STT3A: variants seen among roughly 807,000 people sequenced by gnomAD.
STT3A encodes the protein dolichyl-diphosphooligosaccharide--protein glycosyltransferase subunit STT3A.
In STT3A, 34 loss-of-function variants were observed where a neutral mutation model predicts 89.2. The ratio of observed to expected loss-of-function variants is 0.38; its 90% CI spans 0.29 to 0.51. The LOEUF (loss-of-function observed/expected upper bound fraction) is 0.51, where lower values mean the gene tolerates loss of function less well. Ranked by LOEUF, STT3A falls within the 20% of genes least tolerant of loss-of-function variation. STT3A has a pLI of 0.89. For synonymous variants in STT3A, 282 were observed against 310.3 expected, an observed-to-expected ratio of 0.91 and a Z score of 0.96; for missense variants, 555 against 889.5, an observed-to-expected ratio of 0.62 and a Z score of 4.78.
intron 5 of STT3A, chr11:125,603,437 T>C (rs1333466247): frequency 6.4e-6 from 1 of 155,176 alleles, no homozygotes; most frequent in African/African-American, 2.4e-5. Context: ...ATTGCTGACC[T>C]TGGCTCCCTG....
In STT3A at chr11:125,595,889, C is replaced by T. The variant is rs774795656; in HGVS notation, c.-27C>T. 7 of 1,490,254 alleles carry T rather than the reference C, an allele frequency of 4.7e-6. No homozygotes were observed. In the South Asian group the frequency reaches 5.7e-5, roughly 12 times the overall value. The allele number at this position is 1,490,254 out of a possible 1,614,324, so 92.3% of individuals were successfully genotyped here. On this transcript the variant is annotated 5_prime_UTR_variant, in exon 2 of 18. Coordinates refer to ENST00000392708, the MANE Select transcript of STT3A (RefSeq NM_152713.5). ...TGACTTTTTCATTTTAGCTGATCGT[C>T]GTGTGTTGCCACCCATTCATGTCAA... is the stretch of plus-strand genomic sequence containing the variant.
rs569352756 is a variant in STT3A, at chr11:125,602,566, C to G, written c.271+142C>G. ...TGATTACAGGTTCCTAAAAGTGCAT[C>G]TTACATAAACAGGAGTACATTTGTA... On this transcript the variant is annotated intron_variant, in intron 4 of 17. Coordinates refer to ENST00000392708, the MANE Select transcript of STT3A (RefSeq NM_152713.5). The G allele has an allele frequency of 6.1e-6, 7 of 1,154,492 alleles. 1 individual carries two copies. In the African/African-American group the frequency reaches 7.9e-5, roughly 13 times the overall value. The allele number at this position is 1,154,492 out of a possible 1,614,324, so 71.5% of individuals were successfully genotyped here.
Position 125,606,406 on chromosome 11 carries a change from T to G in STT3A, c.721T>G (p.Cys241Gly). Residue 241 changes from cysteine (C) to glycine (G), a missense_variant, in exon 8 of 18, where the codon TGT becomes GGT. By Grantham distance (159) the Cys-to-Gly change is radical (BLOSUM62 -3). Coordinates refer to ENST00000392708, the MANE Select transcript of STT3A (RefSeq NM_152713.5). ...CTCTCACCGGATCTATGTGGCCTAC[T>G]GTACTGTTTACTGCCTGGGCACTAT... ...RFSHRIYVAY[C>G]TVYCLGTILS... 4.3e-6 allele frequency: 7 copies of G among 1,614,238 alleles called. No individual in the cohort carries two copies. Among genetic ancestry groups the G allele is most frequent in the Non-Finnish European group, 5.9e-6 (7 of 1,180,042 alleles).
intron 1 of STT3A, among the ~76,000 whole-genome samples, chr11:125,594,440 C>T (rs1199674178): frequency 1.3e-5 from 2 of 151,984 alleles, no homozygotes; most frequent in African/African-American, 4.8e-5. Context: ...ATTAGCTGGG[C>T]GTGGTGGCGC....
At position 125,606,306 on chromosome 11, in the gene STT3A, G is replaced by T. The variant is rs778272288; in HGVS notation, c.621G>T (p.Ser207=). The T allele has an allele frequency of 6.2e-7, 1 of 1,613,472 alleles. No individual in the cohort carries two copies. The highest frequency in any genetic ancestry group is 2.2e-5 in the East Asian group (1 of 44,870). Residue 207 remains serine (S), a synonymous_variant, in exon 8 of 18, where the codon TCG becomes TCT. Transcript: ENST00000392708. The part of the protein sequence containing the change: ...KCALAYFYMV[S]SWGGYVFLIN... ...TTTTTTCTATTCCATCATAGGTCTC[G>T]TCATGGGGAGGTTATGTGTTCCTGA...
chr11:125,593,455 C>T (rs991209631), intron 1 of STT3A: 5 of 152,218 alleles, frequency 3.3e-5, no homozygotes, highest in Admixed American at 6.5e-5. Context: ...AGAAAGGTGT[C>T]TTTGCTCTTA....
intron 12 of STT3A, 96 bp downstream of exon 12, chr11:125,612,843 C>T: frequency 6.5e-7 from 1 of 1,530,436 alleles, no homozygotes; most frequent in Non-Finnish European, 8.9e-7. Flanking sequence ...TAAAGTAGAG[C>T]ACTGTCCTAG....
At chr11:125,597,002 T>G in intron 2 of STT3A, 57 bp from the exon 3 acceptor site, 1 of 1,555,188 alleles carries the variant, frequency 6.4e-7, no homozygotes, top group Non-Finnish European at 8.9e-7. Flanking sequence ...TAATACTATA[T>G]CTGCTGTTCT....
chr11:125,593,687 A>G (rs1280065659), intron 1 of STT3A: 1 of 152,110 alleles, frequency 6.6e-6, no homozygotes, highest in Non-Finnish European at 1.5e-5. Flanking sequence ...TGGATTGTTG[A>G]CCTCCTGGAG....
rs1298567290 is a variant in STT3A at position 125,608,158 on chromosome 11, G to C, written c.830G>C (p.Cys277Ser). The part of the protein sequence containing the change: ...HMAAFGVFGL[C>S]QIHAFVDYLR... ...GCAGCCTTTGGGGTCTTTGGTCTCT[G>C]CCAGATCCATGCCTTTGTGGATTAC... Residue 277 changes from cysteine (C) to serine (S), a missense_variant, in exon 9 of 18, where the codon TGC becomes TCC. By Grantham distance (112) the Cys-to-Ser change is moderately radical (BLOSUM62 -1). Around this residue, in one of 5 missense-constraint regions of STT3A, gnomAD observed 149 missense variants for 206.2 expected, o/e 0.72. Coordinates refer to ENST00000392708, the MANE Select transcript of STT3A (RefSeq NM_152713.5). The C allele has an allele frequency of 6.2e-7, 1 of 1,614,044 alleles. No homozygotes were observed. The highest frequency in any genetic ancestry group is 2.2e-5 in the East Asian group (1 of 44,878).
At chr11:125,619,388 T>G (rs376570819) in intron 16 of STT3A, among the ~76,000 whole-genome samples, 3 of 152,158 alleles carry the variant, frequency 2.0e-5, no homozygotes, top group East Asian at 3.9e-4. Flanking sequence ...GAAATTGAGG[T>G]ACAAATAGGT....
upstream of STT3A, chr11:125,592,706 G>A (rs1047322274): frequency 9.7e-6 from 3 of 308,014 alleles, no homozygotes; most frequent in East Asian, 9.2e-5. Context: ...TAGCTGTAAT[G>A]ACCAATTAAA....
chr11:125,605,749 CAT>C lies in STT3A; in HGVS notation c.615+15_615+16del. On this transcript the variant is annotated intron_variant, in intron 7 of 17. Coordinates refer to ENST00000392708, the MANE Select transcript of STT3A (RefSeq NM_152713.5). ...TATTTCTACATGGTAACTTTTTCTA[CAT>C]GTTTTCAATTTTTAAAGTTCTCTAA... 3.1e-6 allele frequency: 5 copies of C among 1,602,450 alleles called. No individual in the cohort carries two copies. The highest frequency in any genetic ancestry group is 1.1e-5 in the South Asian group (1 of 90,182).
At chr11:125,595,360 G>T (rs1198902967) in intron 1 of STT3A, among the ~76,000 whole-genome samples, 2 of 151,878 alleles carry the variant, frequency 1.3e-5, no homozygotes, top group Non-Finnish European at 2.9e-5. Flanking sequence ...TTGCTGTATT[G>T]CTCAGATTGG....
intron 1 of STT3A, among the ~76,000 whole-genome samples, chr11:125,594,700 T>C (rs573670870): frequency 5.2e-4 from 79 of 152,330 alleles, no homozygotes; most frequent in African/African-American, 1.8e-3. Context: ...ATTTCCATTT[T>C]GAACTGCCTA....
chr11:125,604,560 T>C (rs1304496491), intron 6 of STT3A, among the ~76,000 whole-genome samples: 1 of 152,244 alleles, frequency 6.6e-6, no homozygotes, highest in African/African-American at 2.4e-5. Flanking sequence ...TTTTAATGAC[T>C]GATTGACTTA....
At position 125,620,952 on chromosome 11, in the gene STT3A, G is replaced by T; in HGVS notation, c.*142G>T. The T allele has an allele frequency of 1.6e-6, 1 of 614,390 alleles. No individual in the cohort carries two copies. Among genetic ancestry groups the T allele is most frequent in the Non-Finnish European group, 2.7e-6 (1 of 364,356 alleles). 38.1% of individuals were successfully genotyped at this position (614,390 alleles called of 1,614,324 possible). A position where few individuals can be genotyped will look rare whatever the true frequency, so the allele number is the denominator to read the frequency against. Reference sequence around the variant, plus strand: ...CAGAATTGTCTGGAAGTTTTGTCTTGGGCAGTATGGGCTGGGCCAAATGAA... The same window carrying T: ...CAGAATTGTCTGGAAGTTTTGTCTTTGGCAGTATGGGCTGGGCCAAATGAA... On this transcript the variant is annotated 3_prime_UTR_variant, in exon 18 of 18. Coordinates refer to ENST00000392708, the MANE Select transcript of STT3A (RefSeq NM_152713.5).
At chr11:125,598,403 C>G (rs568334333) in intron 3 of STT3A, among the ~76,000 whole-genome samples, 3 of 152,190 alleles carry the variant, frequency 2.0e-5, no homozygotes, top group Middle Eastern at 3.4e-3. Context: ...ATCATAGGTT[C>G]TTGAAATATT....
At position 125,619,315 on chromosome 11, in the gene STT3A, C is replaced by G. The variant is rs1282250709; in HGVS notation, c.1964-696C>G. Among the ~76,000 whole-genome samples the G allele has an allele frequency of 3.9e-5, 6 of 152,060 alleles. No individual in the cohort carries two copies. The East Asian group carries it at 1.2e-3, about 29-fold the overall frequency. On this transcript the variant is annotated intron_variant, in intron 16 of 17. Transcript: ENST00000392708. ...CCTCAAGTAATCCACCCACCTCGGC[C>G]TCCCAAAGTGCTGGGATTACAGGCA...
Sources: allele counts gnomAD v4.1 joint callset (sites outside exome capture counted in the v4.1 genomes callset), GRCh38; gene constraint gnomAD v4.1.1; regional missense constraint gnomAD v4.1.1; transcripts MANE v1.5; gene names NCBI Gene and HGNC (gene_info 2026-07-23, HGNC 2026-07-21).